RBFOX1: variants seen among roughly 807,000 people sequenced by gnomAD.
RBFOX1 encodes RNA binding fox-1 homolog 1.
In RBFOX1, 8 loss-of-function variants were observed where a neutral mutation model predicts 57.7. That is an observed-to-expected ratio of 0.14 (90% CI 0.08 to 0.25). The LOEUF (loss-of-function observed/expected upper bound fraction) is 0.25. RBFOX1 is among the 10% of genes least tolerant of loss of function. RBFOX1 has a pLI of 1.00. For synonymous variants in RBFOX1, 326 were observed against 222.4 expected (o/e 1.47, Z -4.15); for missense variants, 611 against 548.5 (o/e 1.11, Z -1.14).
intron 3 of RBFOX1, among the ~76,000 whole-genome samples, chr16:5,847,072 C>G (rs182845136): frequency 6.6e-6 from 1 of 152,234 alleles, no homozygotes; most frequent in East Asian, 1.9e-4. Flanking sequence ...TCTCTTGTAG[C>G]AGGGAATAGG....
At chr16:6,146,172 C>T (rs1597768674) in intron 1 of RBFOX1, among the ~76,000 whole-genome samples, 1 of 152,136 alleles carries the variant, frequency 6.6e-6, no homozygotes, top group Non-Finnish European at 1.5e-5. Flanking sequence ...TCCCATGGGT[C>T]TGGTGCTGTG....
chr16:6,689,802 T>G (rs1387095821), intron 3 of RBFOX1, among the ~76,000 whole-genome samples: 1 of 152,190 alleles, frequency 6.6e-6, no homozygotes, highest in Non-Finnish European at 1.5e-5. Context: ...GGGGAGAGAC[T>G]CAATGCACAG....
At chr16:6,724,230 T>C (rs1458826628) in intron 3 of RBFOX1, among the ~76,000 whole-genome samples, 1 of 141,728 alleles carries the variant, frequency 7.1e-6, no homozygotes, top group African/African-American at 2.7e-5. Context: ...TTTTTTTGAG[T>C]TGGAGTTTCA....
At chr16:6,845,320 A>T (rs892016223) in intron 3 of RBFOX1, among the ~76,000 whole-genome samples, 1 of 151,806 alleles carries the variant, frequency 6.6e-6, no homozygotes, top group Admixed American at 6.6e-5. Context: ...TGGGTTTTAC[A>T]TTTAACTCTT....
At chr16:7,316,319 T>C (rs539204761) in intron 4 of RBFOX1, among the ~76,000 whole-genome samples, 3 of 152,348 alleles carry the variant, frequency 2.0e-5, no homozygotes, top group Admixed American at 1.3e-4. Flanking sequence ...TGCTATGTTT[T>C]TACCTGTTTG....
intron 1 of RBFOX1, among the ~76,000 whole-genome samples, chr16:6,118,368 T>C (rs1397818550): frequency 1.3e-5 from 2 of 152,178 alleles, no homozygotes; most frequent in African/African-American, 4.8e-5. Flanking sequence ...ATTTATTTCT[T>C]ATAGTTATGG....
intron 4 of RBFOX1, among the ~76,000 whole-genome samples, chr16:7,230,535 C>G (rs1375442531): frequency 6.6e-6 from 1 of 152,146 alleles, no homozygotes; most frequent in East Asian, 1.9e-4. Context: ...TTGACAGATT[C>G]AGCCTCCCCA....
At chr16:7,650,313 C>CTTTT (rs35693712) in intron 11 of RBFOX1, among the ~76,000 whole-genome samples, 2 of 138,918 alleles carry the variant, frequency 1.4e-5, no homozygotes, top group South Asian at 2.3e-4. Flanking sequence ...GTGGAACTCT[C>CTTTT]TTTTTTTTTT....
Position 5,553,464 on chromosome 16 carries a change from C to T in RBFOX1, c.259-45438C>T, listed in dbSNP as rs200084088. On this transcript the variant is annotated intron_variant, in intron 2 of 2. Transcript: ENST00000585867. ...CCGAGTAGCTGGGACTACAGGCGCC[C>T]GCCACCACGCCTGGCTAATTTTTTG... 8.6e-4 allele frequency among the ~76,000 whole-genome samples: 131 copies of T among 151,968 alleles called. 2 individuals are homozygous for T. In the East Asian group the frequency reaches 0.013, roughly 15 times the overall value.
chr16:5,554,037 T>C (rs1198138977), intron 2 of RBFOX1, among the ~76,000 whole-genome samples: 1 of 151,348 alleles, frequency 6.6e-6, no homozygotes, highest in Non-Finnish European at 1.5e-5. Context: ...TGGCGTGATC[T>C]CAGCTCACTG....
rs59806354 is a variant in RBFOX1 at position 6,676,142 on chromosome 16, GCACACACACACACACACA to G, written c.-16+21514_-16+21531del. Among the ~76,000 whole-genome samples, 13 of 145,968 alleles carry G rather than the reference GCACACACACACACACACA, an allele frequency of 8.9e-5. No individual in the cohort carries two copies. The South Asian group carries it at 2.7e-3, about 30-fold the overall frequency. ...CTGCCTAGGGGACACACACACACGC[GCACACACACACACACACA>G]CACACACACACACACACACACTTCC... On this transcript the variant is annotated intron_variant, in intron 3 of 15. Coordinates refer to ENST00000550418, the MANE Select transcript of RBFOX1 (RefSeq NM_018723.4).
chr16:7,287,481 T>C (rs774468397), intron 4 of RBFOX1, among the ~76,000 whole-genome samples: 37 of 152,172 alleles, frequency 2.4e-4, no homozygotes, highest in Non-Finnish European at 4.4e-4. Flanking sequence ...TGATCCTTGG[T>C]GGACCAAGCC....
At chr16:5,336,733 T>C (rs1329509619) in intron 1 of RBFOX1, among the ~76,000 whole-genome samples, 1 of 152,120 alleles carries the variant, frequency 6.6e-6, no homozygotes, top group Non-Finnish European at 1.5e-5. Context: ...GCTGACAGGG[T>C]TTGGAGGAAC....
At chr16:6,895,127 C>G (rs888252453) in intron 3 of RBFOX1, among the ~76,000 whole-genome samples, 2 of 151,962 alleles carry the variant, frequency 1.3e-5, no homozygotes, top group African/African-American at 4.8e-5. Context: ...CATAGAAGTT[C>G]AGTTCAGAGA....
intron 4 of RBFOX1, among the ~76,000 whole-genome samples, chr16:7,370,774 C>T (rs1324001086): frequency 6.6e-6 from 1 of 152,200 alleles, no homozygotes; most frequent in Non-Finnish European, 1.5e-5. Context: ...TCTGAACATT[C>T]ATGCATATTT....
At chr16:7,326,103 C>G (rs539383073) in intron 4 of RBFOX1, among the ~76,000 whole-genome samples, 5 of 152,336 alleles carry the variant, frequency 3.3e-5, no homozygotes, top group African/African-American at 9.6e-5. Flanking sequence ...CCCTGCGCCT[C>G]TGTCTCATCC....
intron 12 of RBFOX1, among the ~76,000 whole-genome samples, chr16:7,658,519 T>C (rs1400660088): frequency 1.3e-5 from 2 of 152,108 alleles, no homozygotes; most frequent in African/African-American, 2.4e-5. Context: ...CATCAGGTAA[T>C]TGCTGTTCAG....
intron 14 of RBFOX1, among the ~76,000 whole-genome samples, chr16:7,677,160 C>CACAG (rs1555762483): frequency 6.6e-6 from 1 of 151,228 alleles, no homozygotes; most frequent in East Asian, 2.0e-4. Context: ...CACACACACA[C>CACAG]CGTACAACCT....
At chr16:6,081,792 C>G (rs1365088678) in intron 1 of RBFOX1, among the ~76,000 whole-genome samples, 1 of 152,198 alleles carries the variant, frequency 6.6e-6, no homozygotes, top group Non-Finnish European at 1.5e-5. Context: ...CCGTGTGCCT[C>G]TCTTTCCATT....
Sources: allele counts gnomAD v4.1 joint callset (sites outside exome capture counted in the v4.1 genomes callset), GRCh38; gene constraint gnomAD v4.1.1; transcripts MANE v1.5; gene names NCBI Gene and HGNC (gene_info 2026-07-23, HGNC 2026-07-21).